LINGO1: variants seen among roughly 807,000 people sequenced by gnomAD.
LINGO1 encodes leucine-rich repeat and immunoglobulin-like domain-containing nogo receptor-interacting protein 1.
A neutral mutation model predicts 37.3 loss-of-function variants in LINGO1; 11 were observed. The ratio of observed to expected loss-of-function variants is 0.29; its 90% CI spans 0.19 to 0.49. The LOEUF (loss-of-function observed/expected upper bound fraction) is 0.49, where lower values mean the gene tolerates loss of function less well. LINGO1 is among the 20% of genes least tolerant of loss of function. LINGO1 has a pLI of 0.99. For missense variants in LINGO1, 585 were observed against 878.2 expected (o/e 0.67, Z 4.22); for synonymous variants, 387 against 403.0 (o/e 0.96, Z 0.48).
In LINGO1 at chr15:77,726,574, C is replaced by A. The variant is rs545278179; in HGVS notation, c.-195+8418G>T. Reference sequence around the variant, plus strand: ...CAAATGAAGCTGGACTCTTACCTTACACCATATACAAAAATTAACTTCAAA... The same window carrying A: ...CAAATGAAGCTGGACTCTTACCTTAAACCATATACAAAAATTAACTTCAAA... On this transcript the variant is annotated intron_variant, in intron 2 of 3. Transcript: ENST00000561686. 1.1e-4 allele frequency among the ~76,000 whole-genome samples: 17 copies of A among 152,334 alleles called. No homozygotes were observed. In the South Asian group the frequency reaches 3.5e-3, roughly 32 times the overall value.
At chr15:77,635,267 C>T (rs1225654009), upstream of LINGO1, among the ~76,000 whole-genome samples, 2 of 152,232 alleles carry the variant, frequency 1.3e-5, no homozygotes, top group East Asian at 3.9e-4. Flanking sequence ...TCCCAGCTCT[C>T]CCTGTTTTAT....
chr15:77,638,832 G>T (rs1343504885), upstream of LINGO1, among the ~76,000 whole-genome samples: 1 of 152,112 alleles, frequency 6.6e-6, no homozygotes, highest in African/African-American at 2.4e-5. Context: ...CTGCCTTCTG[G>T]TATTGCCCTG....
At position 77,632,396 on chromosome 15, in the gene LINGO1, C is replaced by A; in HGVS notation, c.-81G>T. 7.8e-7 allele frequency: 1 copy of A among 1,287,752 alleles called. No individual in the cohort carries two copies. Among genetic ancestry groups the A allele is most frequent in the Non-Finnish European group, 9.9e-7 (1 of 1,010,834 alleles). The allele number at this position is 1,287,752 out of a possible 1,614,324, so 79.8% of individuals were successfully genotyped here. ...CGGCCCGACCAGGCCCCAGCCCCTG[C>A]CCAGCCCCCTCCTCCGTTTCCTCCT... is the stretch of plus-strand genomic sequence containing the variant. On this transcript the variant is annotated 5_prime_UTR_variant, in exon 1 of 2. Coordinates refer to ENST00000355300, the MANE Select transcript of LINGO1 (RefSeq NM_032808.7). The surrounding 1 kb of genome is among the most constrained non-coding windows in gnomAD (Gnocchi z 6.0).
At chr15:77,783,280 A>AT (rs2076738865) in intron 1 of LINGO1, among the ~76,000 whole-genome samples, 1 of 152,190 alleles carries the variant, frequency 6.6e-6, no homozygotes, top group Admixed American at 6.5e-5. Flanking sequence ...AGCAGTGTGC[A>AT]TAACGTTCTA....
intron 2 of LINGO1, among the ~76,000 whole-genome samples, chr15:77,730,587 C>G (rs898179759): frequency 2.0e-5 from 3 of 151,856 alleles, no homozygotes; most frequent in Admixed American, 6.5e-5. Context: ...GGTCCAGACT[C>G]TCTTTCCCTC....
chr15:77,630,410 C>G (rs1047025662), intron 1 of LINGO1, among the ~76,000 whole-genome samples: 1 of 152,202 alleles, frequency 6.6e-6, no homozygotes, highest in African/African-American at 2.4e-5. Context: ...GAACAACCAC[C>G]CACCTCCACA....
intron 1 of LINGO1, among the ~76,000 whole-genome samples, chr15:77,801,428 G>A (rs751175060): frequency 6.6e-6 from 1 of 152,158 alleles, no homozygotes; most frequent in Non-Finnish European, 1.5e-5. Context: ...TGTAATTAAC[G>A]ATTTGTTGCT....
chr15:77,669,308 A>C (rs1437452159), intron 3 of LINGO1, among the ~76,000 whole-genome samples: 1 of 152,198 alleles, frequency 6.6e-6, no homozygotes, highest in African/African-American at 2.4e-5. Flanking sequence ...CTAGCTGAGG[A>C]AGAGCCAAAG....
intron 1 of LINGO1, among the ~76,000 whole-genome samples, chr15:77,774,008 G>T (rs1302222357): frequency 6.6e-6 from 1 of 152,126 alleles, no homozygotes; most frequent in Admixed American, 6.5e-5. Flanking sequence ...AGCAGCAGTT[G>T]CAAGTCCCCA....
At chr15:77,753,518 T>C (rs1361679854) in intron 1 of LINGO1, among the ~76,000 whole-genome samples, 1 of 152,132 alleles carries the variant, frequency 6.6e-6, no homozygotes, top group Non-Finnish European at 1.5e-5. Flanking sequence ...AACATCGTCA[T>C]GGAGACAGAG....
intron 1 of LINGO1, among the ~76,000 whole-genome samples, chr15:77,765,052 GAA>G (rs569825500): frequency 2.8e-4 from 43 of 152,300 alleles, no homozygotes; most frequent in Middle Eastern, 6.8e-3. Context: ...AAGAATGAAA[GAA>G]GAGGAAACAG....
chr15:77,817,940 T>C (rs577717658), intron 1 of LINGO1, among the ~76,000 whole-genome samples: 2 of 152,288 alleles, frequency 1.3e-5, no homozygotes, highest in African/African-American at 4.8e-5. Flanking sequence ...AAAGCTGATA[T>C]TACCATAGAC....
At chr15:77,799,997 T>C (rs777367259) in intron 1 of LINGO1, among the ~76,000 whole-genome samples, 7 of 151,812 alleles carry the variant, frequency 4.6e-5, no homozygotes, top group Non-Finnish European at 1.0e-4. Flanking sequence ...AGCTCAGCAC[T>C]GAGAAGGCAG....
intron 1 of LINGO1, among the ~76,000 whole-genome samples, chr15:77,813,920 C>G (rs2077027744): frequency 6.6e-6 from 1 of 152,216 alleles, no homozygotes; most frequent in Non-Finnish European, 1.5e-5. Flanking sequence ...CAGGCCTGCT[C>G]GCCTTAGCAT....
chr15:77,675,858 C>T lies in LINGO1; in HGVS notation c.-13+1231G>A, dbSNP rs577167839. ...AAGCCATTCCAAGCCCTCCATAACC[C>T]GTCACTGCCTCATCCCTGTTACCCC... On this transcript the variant is annotated intron_variant, in intron 3 of 3. Transcript: ENST00000559893. Among the ~76,000 whole-genome samples the T allele has an allele frequency of 4.6e-5, 7 of 152,290 alleles. No homozygotes were observed. The East Asian group carries it at 7.7e-4, about 17-fold the overall frequency.
intron 1 of LINGO1, among the ~76,000 whole-genome samples, chr15:77,737,815 C>T (rs897206384): frequency 1.1e-4 from 17 of 151,602 alleles, no homozygotes; most frequent in Non-Finnish European, 2.4e-4. Context: ...ACCTTCTCCC[C>T]TCTTACCTAA....
intron 1 of LINGO1, among the ~76,000 whole-genome samples, chr15:77,777,459 A>ACACG: frequency 3.0e-5 from 1 of 32,802 alleles, no homozygotes; most frequent in East Asian, 7.9e-4. Flanking sequence ...GGACATATAC[A>ACACG]CACACGCACA....
At chr15:77,697,298 A>C (rs1288698752), upstream of LINGO1, among the ~76,000 whole-genome samples, 1 of 152,218 alleles carries the variant, frequency 6.6e-6, no homozygotes, top group African/African-American at 2.4e-5. Flanking sequence ...TGCAGACCCC[A>C]GGCTCTGTTC....
rs1422310863 is a variant in LINGO1, at chr15:77,623,644, GTC to G, written c.7-7746_7-7745del. 3.3e-5 allele frequency among the ~76,000 whole-genome samples: 5 copies of G among 152,308 alleles called. No individual in the cohort carries two copies. The East Asian group carries it at 9.6e-4, about 29-fold the overall frequency. Reference sequence around the variant, plus strand: ...GGGGGCCAGGCAGCCAGTGTCCGCCGTCTCCCCGGGGGTTGGTCCGCCCCGCC... The same window carrying G: ...GGGGGCCAGGCAGCCAGTGTCCGCCGTCCCCGGGGGTTGGTCCGCCCCGCC... On this transcript the variant is annotated intron_variant, in intron 1 of 1. Coordinates refer to ENST00000355300, the MANE Select transcript of LINGO1 (RefSeq NM_032808.7).
Sources: gnomAD v4.1 joint callset for allele counts (sites outside exome capture counted in the v4.1 genomes callset) on GRCh38, gnomAD v4.1.1 for gene constraint, Gnocchi (gnomAD v3.1) non-coding constraint, MANE v1.5 for transcripts, NCBI Gene and HGNC (gene_info 2026-07-23, HGNC 2026-07-21) for gene names.